Variants in UBE2F observed in about 807,000 individuals in gnomAD.
The protein encoded by UBE2F is NEDD8-conjugating enzyme UBE2F.
A neutral mutation model predicts 29.6 loss-of-function variants in UBE2F; 5 were observed. The ratio of observed to expected loss-of-function variants is 0.17; its 90% CI spans 0.09 to 0.36. The LOEUF (loss-of-function observed/expected upper bound fraction) is 0.36, where lower values mean the gene tolerates loss of function less well. Ranked by LOEUF, UBE2F falls within the 10% of genes least tolerant of loss-of-function variation. The pLI is 1.00. For missense variants in UBE2F, 141 were observed against 228.5 expected, an observed-to-expected ratio of 0.62 and a Z score of 2.47; for synonymous variants, 66 against 81.8, an observed-to-expected ratio of 0.81 and a Z score of 1.04.
chr2:238,014,595 G>A (rs565954302), intron 4 of UBE2F, among the ~76,000 whole-genome samples: 1 of 152,186 alleles, frequency 6.6e-6, no homozygotes, highest in Non-Finnish European at 1.5e-5. Context: ...GCACAGCCAC[G>A]ACCAGGGTGT....
chr2:238,014,525 T>C (rs1023074806), intron 4 of UBE2F, among the ~76,000 whole-genome samples: 4 of 152,208 alleles, frequency 2.6e-5, no homozygotes, highest in Non-Finnish European at 5.9e-5. Context: ...AACTCTGTAA[T>C]CCATGAACTG....
Position 238,041,409 on chromosome 2 carries a change from C to T in UBE2F, c.*71C>T. On this transcript the variant is annotated 3_prime_UTR_variant, in exon 10 of 10. Coordinates refer to ENST00000272930, the MANE Select transcript of UBE2F (RefSeq NM_080678.3). Reference sequence around the variant, plus strand: ...TCTAACATGAAACAGCAAGAGGTAGCCCCCTCTCCCGTCCTCATGCTCCCT... The same window carrying T: ...TCTAACATGAAACAGCAAGAGGTAGTCCCCTCTCCCGTCCTCATGCTCCCT... The T allele has an allele frequency of 6.5e-7, 1 of 1,532,166 alleles. No homozygotes were observed. Among genetic ancestry groups the T allele is most frequent in the Non-Finnish European group, 9.0e-7 (1 of 1,108,408 alleles). 94.9% of individuals were successfully genotyped at this position (1,532,166 alleles called of 1,614,324 possible).
chr2:237,973,302 A>C (rs573794305), intron 2 of UBE2F, 77 bp downstream of exon 2: 1 of 1,498,218 alleles, frequency 6.7e-7, no homozygotes, highest in East Asian at 2.3e-5. Flanking sequence ...TGGGGATATA[A>C]AGCAACCTAC....
At chr2:238,025,497 A>G in intron 6 of UBE2F, 85 bp downstream of exon 6, 1 of 1,293,838 alleles carries the variant, frequency 7.7e-7, no homozygotes, top group Non-Finnish European at 1.1e-6. Context: ...CTCCTCTGAA[A>G]AGATTTTGAG....
At chr2:238,038,343 G>A (rs1286295374) in intron 9 of UBE2F, among the ~76,000 whole-genome samples, 1 of 152,222 alleles carries the variant, frequency 6.6e-6, no homozygotes, top group Non-Finnish European at 1.5e-5. Context: ...AGCTCCCCAT[G>A]GGGGCAATCA....
At chr2:237,999,868 A>G (rs2063760827) in intron 4 of UBE2F, among the ~76,000 whole-genome samples, 1 of 144,296 alleles carries the variant, frequency 6.9e-6, no homozygotes, top group African/African-American at 2.7e-5. Flanking sequence ...TGTGTCGCCT[A>G]GGCTGGAGTG....
At chr2:237,997,219 CA>C (rs144334809) in intron 4 of UBE2F, among the ~76,000 whole-genome samples, 1 of 150,714 alleles carries the variant, frequency 6.6e-6, no homozygotes, top group East Asian at 1.9e-4. Context: ...AGAGCTGTCT[CA>C]AAAAAAATAA....
chr2:237,976,361 A>G (rs2063282026), intron 2 of UBE2F, among the ~76,000 whole-genome samples: 1 of 152,230 alleles, frequency 6.6e-6, no homozygotes, highest in Admixed American at 6.5e-5. Flanking sequence ...TTCTTTACCC[A>G]ATCATTGTCA....
intron 6 of UBE2F, among the ~76,000 whole-genome samples, chr2:238,029,317 G>C (rs567016234): frequency 2.0e-4 from 31 of 151,984 alleles, no homozygotes; most frequent in Non-Finnish European, 5.9e-5. Context: ...GGCTGGGCGT[G>C]GTGGCTCACG....
In UBE2F at chr2:237,967,146, GT is replaced by G; in HGVS notation, c.-17+15del. ...CGGGGAGCCCAGGTGAGGAGCGACC[GT>G]GCGGCTCTGCGGCGGGGCGAGGTGC... On this transcript the variant is annotated intron_variant, in intron 1 of 9. Coordinates refer to ENST00000272930, the MANE Select transcript of UBE2F (RefSeq NM_080678.3). This position sits in a 1 kb window ranked among gnomAD's most constrained non-coding sequence, Gnocchi z 6.3. 2 of 1,253,288 alleles carry G rather than the reference GT, an allele frequency of 1.6e-6. No homozygotes were observed. Among genetic ancestry groups the G allele is most frequent in the South Asian group, 5.1e-5 (2 of 38,922 alleles). 77.6% of individuals were successfully genotyped at this position (1,253,288 alleles called of 1,614,324 possible).
chr2:238,000,454 C>T (rs574024557), intron 4 of UBE2F, among the ~76,000 whole-genome samples: 5 of 152,052 alleles, frequency 3.3e-5, no homozygotes, highest in East Asian at 1.9e-4. Flanking sequence ...TTTTACTTAA[C>T]GTAATGTTTT....
chr2:238,025,220 A>G, intron 5 of UBE2F, 122 bp from the exon 6 acceptor site: 2 of 822,606 alleles, frequency 2.4e-6, no homozygotes, highest in East Asian at 2.6e-5. Context: ...CAGCGAGTCA[A>G]ACTGCACACT....
intron 4 of UBE2F, among the ~76,000 whole-genome samples, chr2:238,010,267 G>C (rs1255035766): frequency 2.0e-5 from 3 of 151,998 alleles, no homozygotes; most frequent in South Asian, 4.2e-4. Context: ...TCTGCCTCCC[G>C]GGTTCAAGTA....
At chr2:238,028,701 C>G (rs968338772) in intron 6 of UBE2F, among the ~76,000 whole-genome samples, 5 of 152,136 alleles carry the variant, frequency 3.3e-5, no homozygotes, top group African/African-American at 1.2e-4. Context: ...CTGCTCTTCA[C>G]AGACAATTAA....
chr2:238,006,600 A>G (rs959781264), intron 4 of UBE2F, among the ~76,000 whole-genome samples: 13 of 152,172 alleles, frequency 8.5e-5, no homozygotes, highest in East Asian at 1.9e-4. Flanking sequence ...TATGTAAACT[A>G]TCATGCCATC....
At chr2:237,968,377 G>T (rs2063104733) in intron 1 of UBE2F, among the ~76,000 whole-genome samples, 1 of 152,160 alleles carries the variant, frequency 6.6e-6, no homozygotes, top group South Asian at 2.1e-4. Flanking sequence ...GCGTACTCCT[G>T]TGCCGAGCAG....
Position 237,967,274 on chromosome 2 carries a change from G to T in UBE2F, c.-17+142G>T. On this transcript the variant is annotated intron_variant, in intron 1 of 9. Coordinates refer to ENST00000272930, the MANE Select transcript of UBE2F (RefSeq NM_080678.3). The surrounding 1 kb of genome is among the most constrained non-coding windows in gnomAD (Gnocchi z 6.3). Reference sequence around the variant, plus strand: ...GTTCCTCACGCCGGGGGCCTGGCGGGCGCGGGCACCCGGACGCGAGGCCGA... The same window carrying T: ...GTTCCTCACGCCGGGGGCCTGGCGGTCGCGGGCACCCGGACGCGAGGCCGA... 2.2e-6 allele frequency: 1 copy of T among 452,966 alleles called. No homozygotes were observed. Among genetic ancestry groups the T allele is most frequent in the Non-Finnish European group, 2.9e-6 (1 of 345,492 alleles). 28.1% of individuals were successfully genotyped at this position (452,966 alleles called of 1,614,324 possible).
intron 8 of UBE2F, among the ~76,000 whole-genome samples, chr2:238,033,422 A>T (rs2106409545): frequency 1.3e-5 from 2 of 152,366 alleles, no homozygotes; most frequent in Non-Finnish European, 1.5e-5. Context: ...TACTTTTGAT[A>T]AAACCTAAGG....
At chr2:238,034,893 CT>C (rs1048105036) in intron 8 of UBE2F, among the ~76,000 whole-genome samples, 63 of 144,866 alleles carry the variant, frequency 4.3e-4, no homozygotes, top group Middle Eastern at 3.6e-3. Flanking sequence ...CTGATTTTTT[CT>C]TTTTTTTTTT....
Sources: allele counts gnomAD v4.1 joint callset (sites outside exome capture counted in the v4.1 genomes callset), GRCh38; gene constraint gnomAD v4.1.1; non-coding constraint Gnocchi (gnomAD v3.1); transcripts MANE v1.5; gene names NCBI Gene and HGNC (gene_info 2026-07-23, HGNC 2026-07-21).